NCOA2: variants seen among roughly 807,000 people sequenced by gnomAD.
NCOA2 encodes class E basic helix-loop-helix protein 75.
In NCOA2, 21 loss-of-function variants were observed where a neutral mutation model predicts 145.1. The observed-to-expected ratio is 0.14, with a 90% CI of 0.10 to 0.21. The LOEUF (loss-of-function observed/expected upper bound fraction) is 0.21. Ranked by LOEUF, NCOA2 falls within the 10% of genes least tolerant of loss-of-function variation. NCOA2 has a pLI of 1.00. For missense variants in NCOA2, 1,472 were observed against 1,837.6 expected (o/e 0.80, Z 3.64); for synonymous variants, 619 against 637.5 (o/e 0.97, Z 0.44).
chr8:70,228,862 G>A (rs564397518), intron 2 of NCOA2, among the ~76,000 whole-genome samples: 1 of 152,270 alleles, frequency 6.6e-6, no homozygotes, highest in African/African-American at 2.4e-5. Context: ...AATCCATCAA[G>A]CTGAAATTTA....
intron 1 of NCOA2, among the ~76,000 whole-genome samples, chr8:70,381,434 A>G (rs1460307597): frequency 6.6e-6 from 1 of 152,196 alleles, no homozygotes; most frequent in Non-Finnish European, 1.5e-5. Context: ...TGAAGGCAGT[A>G]GTGCTAATCT....
intron 4 of NCOA2, among the ~76,000 whole-genome samples, chr8:70,186,662 A>G (rs1328635090): frequency 6.6e-6 from 1 of 152,200 alleles, no homozygotes; most frequent in East Asian, 1.9e-4. Flanking sequence ...CAAGGTTTGC[A>G]TATGTAACAA....
the NCOA2 span, among the ~76,000 whole-genome samples, chr8:70,443,298 G>A: frequency 3.3e-5 from 5 of 152,082 alleles, no homozygotes; most frequent in Non-Finnish European, 7.4e-5. Flanking sequence ...GAGCCCAGGA[G>A]GTTGAGGCTG....
intron 2 of NCOA2, among the ~76,000 whole-genome samples, chr8:70,265,231 C>T (rs931644375): frequency 3.9e-5 from 6 of 152,158 alleles, no homozygotes; most frequent in African/African-American, 1.4e-4. Context: ...CCAGAGACTT[C>T]CCCTTCTCTC....
intron 1 of NCOA2, among the ~76,000 whole-genome samples, chr8:70,351,135 T>C (rs1273771277): frequency 2.0e-5 from 3 of 152,188 alleles, no homozygotes; most frequent in Non-Finnish European, 4.4e-5. Flanking sequence ...CCTCACGGCT[T>C]AATCACCTCT....
Position 70,116,585 on chromosome 8 carries a change from T to C in NCOA2, c.4384-2942A>G, listed in dbSNP as rs1024773011. On this transcript the variant is annotated intron_variant, in intron 22 of 22. Transcript: ENST00000452400. ...ATTCTGGAAAAAGCTCCTTGATTCA[T>C]AACAGCAGCAGAGCTTATTACGGAA... Among the ~76,000 whole-genome samples, 7 of 152,114 alleles carry C rather than the reference T, an allele frequency of 4.6e-5. No individual in the cohort carries two copies. In the East Asian group the frequency reaches 1.4e-3, roughly 29 times the overall value.
At chr8:70,383,655 A>G (rs1812411714) in intron 1 of NCOA2, among the ~76,000 whole-genome samples, 1 of 151,958 alleles carries the variant, frequency 6.6e-6, no homozygotes, top group Admixed American at 6.6e-5. Context: ...ACAGGCATAC[A>G]CCACCACACC....
rs1808254216 is a variant in NCOA2, at chr8:70,124,942, C to T, written c.3917-77G>A. 14 of 1,320,414 alleles carry T rather than the reference C, an allele frequency of 1.1e-5. No individual in the cohort carries two copies. The South Asian group carries it at 1.8e-4, about 17-fold the overall frequency. The allele number at this position is 1,320,414 out of a possible 1,614,324, so 81.8% of individuals were successfully genotyped here. A position where few individuals can be genotyped will look rare whatever the true frequency, so the allele number is the denominator to read the frequency against. The stretch of plus-strand genomic sequence containing the variant: ...GTAGAGACTGGTGGGGGGGAAAGAA[C>T]ATTCCAAATTAGGCATGCATAAAAA... On this transcript the variant is annotated intron_variant, in intron 19 of 22. Coordinates refer to ENST00000452400, the MANE Select transcript of NCOA2 (RefSeq NM_006540.4).
chr8:70,238,618 C>T (rs1821859371), intron 2 of NCOA2, among the ~76,000 whole-genome samples: 1 of 152,172 alleles, frequency 6.6e-6, no homozygotes, highest in East Asian at 1.9e-4. Flanking sequence ...CTAGGTAAAA[C>T]ATATTTGAAA....
intron 2 of NCOA2, among the ~76,000 whole-genome samples, chr8:70,246,477 A>C (rs562834322): frequency 1.3e-5 from 2 of 152,148 alleles, no homozygotes. Context: ...AATTTAAACT[A>C]TATTTTACAT....
At chr8:70,133,473 C>G (rs571680906) in intron 15 of NCOA2, among the ~76,000 whole-genome samples, 3 of 152,058 alleles carry the variant, frequency 2.0e-5, no homozygotes, top group African/African-American at 7.3e-5. Context: ...AATCCTCCCA[C>G]CTTGGCCTCC....
At chr8:70,343,810 C>CA (rs756730046) in intron 1 of NCOA2, among the ~76,000 whole-genome samples, 10,295 of 114,810 alleles carry the variant, frequency 0.09, 441 homozygotes, top group East Asian at 0.19. Flanking sequence ...GACCCCATCT[C>CA]AAAAAAAAAA....
At chr8:70,341,160 G>T (rs1360955181) in intron 1 of NCOA2, among the ~76,000 whole-genome samples, 1 of 152,064 alleles carries the variant, frequency 6.6e-6, no homozygotes, top group Non-Finnish European at 1.5e-5. Context: ...GGAGGCCAAG[G>T]TGGGAGGATT....
At chr8:70,430,509 A>G in the NCOA2 span, among the ~76,000 whole-genome samples, 2 of 152,230 alleles carry the variant, frequency 1.3e-5, no homozygotes, top group East Asian at 3.8e-4. Context: ...GAGATAGCCA[A>G]CATAGTCATC....
At chr8:70,321,442 G>A (rs1185565984) in intron 1 of NCOA2, among the ~76,000 whole-genome samples, 2 of 151,680 alleles carry the variant, frequency 1.3e-5, no homozygotes, top group African/African-American at 2.4e-5. Flanking sequence ...TTACAGGCAT[G>A]AGCTTCCATG....
the NCOA2 span, among the ~76,000 whole-genome samples, chr8:70,436,483 C>T: frequency 9.5e-4 from 144 of 152,304 alleles, no homozygotes; most frequent in Admixed American, 4.8e-3. Context: ...TACTGAGCTA[C>T]AAATGGTTTC....
chr8:70,437,513 C>A, the NCOA2 span, among the ~76,000 whole-genome samples: 3 of 152,096 alleles, frequency 2.0e-5, no homozygotes, highest in Non-Finnish European at 4.4e-5. Context: ...CTGGTTTGAC[C>A]GAAGAAATAA....
chr8:70,429,033 C>T, the NCOA2 span, among the ~76,000 whole-genome samples: 16 of 152,292 alleles, frequency 1.1e-4, no homozygotes, highest in South Asian at 2.9e-3. Flanking sequence ...CATTTCAAAA[C>T]CTTCACAAAT....
chr8:70,290,900 T>G (rs754668346), intron 2 of NCOA2, among the ~76,000 whole-genome samples: 4 of 152,236 alleles, frequency 2.6e-5, no homozygotes, highest in South Asian at 2.1e-4. Context: ...CAAAGTTAGC[T>G]GACTCAAATT....
Sources: gnomAD v4.1 joint callset for allele counts (sites outside exome capture counted in the v4.1 genomes callset) on GRCh38, gnomAD v4.1.1 for gene constraint, MANE v1.5 for transcripts, NCBI Gene and HGNC (gene_info 2026-07-23, HGNC 2026-07-21) for gene names.